The following DHX29 variants were observed in gnomAD, a reference collection of about 807,000 sequenced individuals.
DHX29 encodes the protein ATP-dependent RNA helicase DHX29.
DHX29 carries 79 observed loss-of-function variants against 167.9 expected under a neutral mutation model. The ratio of observed to expected loss-of-function variants is 0.47; its 90% CI spans 0.39 to 0.57. DHX29 has a LOEUF of 0.57. Ranked by LOEUF, DHX29 falls within the 20% of genes least tolerant of loss-of-function variation. The probability of loss-of-function intolerance (pLI) is 0.00; values close to 1 mark genes in which losing one functional copy is unlikely to be tolerated. For synonymous variants in DHX29, 530 were observed against 546.0 expected (o/e 0.97, Z 0.41); for missense variants, 1,347 against 1,593.4 (o/e 0.85, Z 2.63).
chr5:55,297,984 T>C (rs1312002006), intron 2 of DHX29, among the ~76,000 whole-genome samples: 1 of 152,236 alleles, frequency 6.6e-6, no homozygotes, highest in Non-Finnish European at 1.5e-5. Flanking sequence ...TTTAACTAAA[T>C]GCCTACTATA....
intron 1 of DHX29, among the ~76,000 whole-genome samples, chr5:55,299,036 C>CAAAAAAA (rs35986300): frequency 1.3e-5 from 1 of 76,162 alleles, no homozygotes; most frequent in Non-Finnish European, 2.7e-5. Context: ...GACTCCGTCT[C>CAAAAAAA]AAAAAAAAAA....
rs1746657265 is a variant in DHX29, at chr5:55,267,837, T to G, written c.3295-15A>C. 6.3e-7 allele frequency: 1 copy of G among 1,580,430 alleles called. No individual in the cohort carries two copies. The highest frequency in any genetic ancestry group is 1.2e-5 in the South Asian group (1 of 84,672). ...GCTAGTGTTGCCTATCCATAAATCA[T>G]AAATGACAAAACAATTTATCATTAA... On this transcript the variant is annotated splice_polypyrimidine_tract_variant and intron_variant, in intron 21 of 26. Transcript: ENST00000251636.
rs766045493 is a variant in DHX29, at chr5:55,283,323, T to C, written c.1845A>G (p.Leu615=). 1.1e-5 allele frequency: 18 copies of C among 1,614,196 alleles called. No homozygotes were observed. The Admixed American group carries it at 2.7e-4, about 24-fold the overall frequency. ...VPHFLLEDLL[L]NEWEASKCNI... ...TACATTTACTTGCTTCCCACTCATT[T>C]AGAAGCAAATCTTCCAATAGAAAAT... Residue 615 remains leucine, a synonymous_variant, in exon 11 of 27, where the codon CTA becomes CTG. Transcript: ENST00000251636.
intron 20 of DHX29, among the ~76,000 whole-genome samples, 154 bp downstream of exon 20, chr5:55,270,258 G>A (rs1579764663): frequency 6.6e-6 from 1 of 152,110 alleles, no homozygotes; most frequent in African/African-American, 2.4e-5. Flanking sequence ...AAACACAGTG[G>A]ATTTACTTAT....
intron 16 of DHX29, 38 bp downstream of exon 16, chr5:55,274,576 T>C (rs772103927): frequency 5.5e-6 from 8 of 1,447,864 alleles, no homozygotes; most frequent in South Asian, 5.0e-5. Context: ...TTTTCCTATT[T>C]TAAAACTACC....
At chr5:55,277,804 G>A (rs1747196712) in intron 12 of DHX29, among the ~76,000 whole-genome samples, 1 of 151,508 alleles carries the variant, frequency 6.6e-6, no homozygotes, top group African/African-American at 2.4e-5. Flanking sequence ...TACCCGGGAG[G>A]CTGAGGCAGG....
chr5:55,299,470 C>A (rs999542131), intron 1 of DHX29, among the ~76,000 whole-genome samples: 4 of 152,124 alleles, frequency 2.6e-5, no homozygotes, highest in African/African-American at 9.7e-5. Flanking sequence ...CAAATTACCA[C>A]AAACTTGATG....
intron 4 of DHX29, 118 bp downstream of exon 4, chr5:55,296,102 T>C: frequency 8.8e-7 from 1 of 1,137,170 alleles, no homozygotes; most frequent in East Asian, 2.6e-5. Context: ...GTAAGAACAC[T>C]TTAAAAGTAA....
rs1747675509 is a variant in DHX29, at chr5:55,285,518, A to C, written c.1233-102T>G. On this transcript the variant is annotated intron_variant, in intron 9 of 26. Coordinates refer to ENST00000251636, the MANE Select transcript of DHX29 (RefSeq NM_019030.4). ...TTAAACTCAAGTTTGTTAATTATTTAAATATTTCCATGGAAGGCATTATTA... is the reference window on the plus strand; with the variant it reads ...TTAAACTCAAGTTTGTTAATTATTTCAATATTTCCATGGAAGGCATTATTA... The C allele has an allele frequency of 3.1e-6, 4 of 1,302,846 alleles. No individual in the cohort carries two copies. The Admixed American group carries it at 1.1e-4, about 35-fold the overall frequency. The allele number at this position is 1,302,846 out of a possible 1,614,324, so 80.7% of individuals were successfully genotyped here.
At chr5:55,302,775 G>A (rs1462484491) in intron 1 of DHX29, among the ~76,000 whole-genome samples, 1 of 152,082 alleles carries the variant, frequency 6.6e-6, no homozygotes, top group African/African-American at 2.4e-5. Flanking sequence ...TCTGAAAAAT[G>A]ATCAGAGAAA....
At chr5:55,281,785 C>CTT (rs200474683) in intron 11 of DHX29, among the ~76,000 whole-genome samples, 50 of 139,130 alleles carry the variant, frequency 3.6e-4, no homozygotes, top group African/African-American at 8.4e-4. Context: ...AACAGAAAAA[C>CTT]TTTTTTTTTT....
intron 12 of DHX29, among the ~76,000 whole-genome samples, chr5:55,278,779 A>G (rs1747249925): frequency 6.6e-6 from 1 of 152,244 alleles, no homozygotes. Context: ...CAAGGTACAC[A>G]GTGTGTATGA....
At chr5:55,300,694 C>A (rs1229242364) in intron 1 of DHX29, among the ~76,000 whole-genome samples, 4 of 152,056 alleles carry the variant, frequency 2.6e-5, no homozygotes, top group Non-Finnish European at 5.9e-5. Flanking sequence ...AGGACCTCAA[C>A]AAAATAATAA....
chr5:55,288,245 A>G (rs1244956698), intron 8 of DHX29, among the ~76,000 whole-genome samples: 1 of 152,100 alleles, frequency 6.6e-6, no homozygotes, highest in Non-Finnish European at 1.5e-5. Flanking sequence ...CTCCATCTCA[A>G]AAACAAAAAA....
intron 6 of DHX29, among the ~76,000 whole-genome samples, chr5:55,292,491 G>C (rs1344022374): frequency 2.0e-5 from 3 of 151,950 alleles, no homozygotes; most frequent in Non-Finnish European, 2.9e-5. Context: ...TTTCCAAATT[G>C]CTCTAAACAT....
intron 26 of DHX29, among the ~76,000 whole-genome samples, chr5:55,259,284 A>C (rs527989287): frequency 5.9e-5 from 9 of 152,210 alleles, no homozygotes; most frequent in Admixed American, 3.3e-4. Flanking sequence ...TAAAAGAGAC[A>C]GGAGTAAACT....
Position 55,262,760 on chromosome 5 carries a change from T to C in DHX29, c.3698A>G (p.Tyr1233Cys), listed in dbSNP as rs1746370168. 1.9e-6 allele frequency: 3 copies of C among 1,614,010 alleles called. No individual in the cohort carries two copies. The highest frequency in any genetic ancestry group is 2.2e-5 in the East Asian group (1 of 44,888). Residue 1233 changes from tyrosine to cysteine, a missense_variant, in exon 24 of 27, where the codon TAT (tyrosine) becomes TGT (cysteine). Transcript: ENST00000251636. ...GLYDNVGKII[Y>C]TKSVDVTEKL... is the part of the protein sequence containing the mutation. The stretch of plus-strand genomic sequence containing the variant: ...TTCTGTAACATCCACTGACTTTGTA[T>C]AGATTATCTTCCCCACATTGTCATA...
In DHX29 at chr5:55,269,642, A is replaced by G; in HGVS notation, c.3070-5T>C. ...AGGAGAACCAAGATTACATTTCTGC[A>G]GATTAAAAAAGCAATAAAATTGGTA... On this transcript the variant is annotated splice_region_variant and splice_polypyrimidine_tract_variant and intron_variant, in intron 20 of 26. Transcript: ENST00000251636. The G allele has an allele frequency of 1.2e-6, 2 of 1,605,932 alleles. No homozygotes were observed. The highest frequency in any genetic ancestry group is 1.7e-6 in the Non-Finnish European group (2 of 1,173,086).
intron 8 of DHX29, among the ~76,000 whole-genome samples, chr5:55,287,680 G>A (rs1193012228): frequency 6.6e-6 from 1 of 152,000 alleles, no homozygotes; most frequent in Non-Finnish European, 1.5e-5. Context: ...CAGATGCGGT[G>A]GCTCATGCCT....
Sources: allele counts gnomAD v4.1 joint callset (sites outside exome capture counted in the v4.1 genomes callset), GRCh38; gene constraint gnomAD v4.1.1; transcripts MANE v1.5; gene names NCBI Gene and HGNC (gene_info 2026-07-23, HGNC 2026-07-21).